CACNA1E: variants seen among roughly 807,000 people sequenced by gnomAD.
CACNA1E encodes calcium voltage-gated channel subunit alpha1 E.
A neutral mutation model predicts 259.2 loss-of-function variants in CACNA1E; 40 were observed. The ratio of observed to expected loss-of-function variants is 0.15; its 90% CI spans 0.12 to 0.20. The LOEUF (loss-of-function observed/expected upper bound fraction) is 0.20, where lower values mean the gene tolerates loss of function less well. Among genes scored for constraint, CACNA1E ranks in the 10% least tolerant of loss-of-function variants. CACNA1E has a pLI of 1.00. For missense variants in CACNA1E, 1,874 were observed against 3,040.1 expected (o/e 0.62, Z 9.02); for synonymous variants, 1,104 against 1,138.5 (o/e 0.97, Z 0.61).
At chr1:181,759,971 G>A (rs983361398) in intron 32 of CACNA1E, among the ~76,000 whole-genome samples, 16 of 152,256 alleles carry the variant, frequency 1.1e-4, no homozygotes, top group African/African-American at 3.9e-4. Flanking sequence ...GTGTTTGCCT[G>A]GCTCCCTTTT....
chr1:181,482,497 A>T (rs1187405403), upstream of CACNA1E, among the ~76,000 whole-genome samples: 1 of 152,208 alleles, frequency 6.6e-6, no homozygotes, highest in Non-Finnish European at 1.5e-5. Context: ...TGGCCACATA[A>T]ATCAAGAAGG....
intron 40 of CACNA1E, among the ~76,000 whole-genome samples, chr1:181,784,452 T>G (rs1210554965): frequency 6.6e-6 from 1 of 152,204 alleles, no homozygotes; most frequent in Non-Finnish European, 1.5e-5. Flanking sequence ...CTTGGCAGGA[T>G]ATCCCTGAGT....
At chr1:181,531,481 AC>A (rs1667775775) in intron 3 of CACNA1E, among the ~76,000 whole-genome samples, 2 of 152,164 alleles carry the variant, frequency 1.3e-5, no homozygotes, top group East Asian at 3.9e-4. Flanking sequence ...ATATTCTTAG[AC>A]CCACAATAGA....
intron 6 of CACNA1E, among the ~76,000 whole-genome samples, chr1:181,589,663 G>A (rs891542290): frequency 2.0e-5 from 3 of 152,058 alleles, no homozygotes; most frequent in African/African-American, 7.2e-5. Flanking sequence ...AGGCTGCAGT[G>A]TGCTATGATT....
intron 3 of CACNA1E, among the ~76,000 whole-genome samples, chr1:181,555,100 G>A (rs147031105): frequency 3.3e-4 from 50 of 152,308 alleles, no homozygotes; most frequent in African/African-American, 1.1e-3. Flanking sequence ...AGCCATTTTT[G>A]TTATTTAAAA....
chr1:181,434,009 G>C (rs1438752255), intron 2 of CACNA1E, among the ~76,000 whole-genome samples: 1 of 152,210 alleles, frequency 6.6e-6, no homozygotes, highest in East Asian at 1.9e-4. Context: ...CGGCATGTTT[G>C]CATTTCCACG....
intron 34 of CACNA1E, 115 bp downstream of exon 34, chr1:181,763,646 C>T (rs528473827): frequency 1.6e-4 from 112 of 714,592 alleles, no homozygotes; most frequent in African/African-American, 3.9e-4. Flanking sequence ...GCTAGTAGAA[C>T]GGGTGTTTGT....
At chr1:181,731,108 G>T in intron 18 of CACNA1E, 67 bp from the exon 19 acceptor site, 14 of 1,260,806 alleles carry the variant, frequency 1.1e-5, no homozygotes, top group Non-Finnish European at 1.6e-5. Flanking sequence ...GAAATCTGCT[G>T]GTGGCTGTGG....
intron 18 of CACNA1E, among the ~76,000 whole-genome samples, chr1:181,730,873 C>A (rs183999171): frequency 1.3e-5 from 2 of 152,188 alleles, no homozygotes; most frequent in Non-Finnish European, 2.9e-5. Flanking sequence ...TGGAAGTTTG[C>A]GTGCCTGTGA....
chr1:181,772,063 C>T lies in CACNA1E; in HGVS notation c.4974-3C>T, dbSNP rs749592661. ...TGCTAACCAAAATGTCTCTTGGGCT[C>T]AGGAGTGCCACAGGTGAGGCCTGGC... On this transcript the variant is annotated splice_polypyrimidine_tract_variant and splice_region_variant and intron_variant, in intron 36 of 47. Transcript: ENST00000367573. The T allele has an allele frequency of 7.4e-6, 12 of 1,613,472 alleles. No individual in the cohort carries two copies. Among genetic ancestry groups the T allele is most frequent in the Non-Finnish European group, 9.3e-6 (11 of 1,179,624 alleles).
chr1:181,461,102 C>T (rs1375453506), intron 2 of CACNA1E, among the ~76,000 whole-genome samples: 5 of 152,202 alleles, frequency 3.3e-5, no homozygotes, highest in Non-Finnish European at 7.3e-5. Context: ...GATACTGGAG[C>T]TTTTGCCATT....
At position 181,598,954 on chromosome 1, in the gene CACNA1E, A is replaced by G. The variant is rs571208540; in HGVS notation, c.951+18178A>G. Among the ~76,000 whole-genome samples the G allele has an allele frequency of 8.0e-5, 12 of 150,624 alleles. No homozygotes were observed. In the South Asian group the frequency reaches 2.5e-3, roughly 32 times the overall value. Reference sequence around the variant, plus strand: ...CATTTTTTTTTTTTTAAATTTCTAAATTTTGTTTTAAGTTCAGGGGTATAT... The same window carrying G: ...CATTTTTTTTTTTTTAAATTTCTAAGTTTTGTTTTAAGTTCAGGGGTATAT... On this transcript the variant is annotated intron_variant, in intron 6 of 47. Transcript: ENST00000367573.
intron 1 of CACNA1E, among the ~76,000 whole-genome samples, chr1:181,343,015 G>T (rs1046318961): frequency 6.6e-6 from 1 of 152,202 alleles, no homozygotes; most frequent in Non-Finnish European, 1.5e-5. Context: ...AGGACAGGGG[G>T]TGGTATATTG....
intron 2 of CACNA1E, among the ~76,000 whole-genome samples, chr1:181,454,069 C>T (rs907375323): frequency 2.6e-5 from 4 of 152,130 alleles, no homozygotes; most frequent in Non-Finnish European, 4.4e-5. Context: ...GGTGGGAGAG[C>T]GTGCAGGGAA....
chr1:181,602,757 C>A (rs1653862519), intron 6 of CACNA1E, among the ~76,000 whole-genome samples: 1 of 152,122 alleles, frequency 6.6e-6, no homozygotes, highest in African/African-American at 2.4e-5. Flanking sequence ...TTGGCCTTAG[C>A]AAGTTGAACC....
rs1167326595 is a variant in CACNA1E at position 181,732,199 on chromosome 1, C to T, written c.2298-185C>T. On this transcript the variant is annotated intron_variant, in intron 19 of 47. Coordinates refer to ENST00000367573, the MANE Select transcript of CACNA1E (RefSeq NM_001205293.3). The surrounding 1 kb of genome is among the most constrained non-coding windows in gnomAD (Gnocchi z 5.5). ...AAGTACCTGGGCTGGGAGGCACCTG[C>T]CTGATGAGCTCCTCACGTGTGGCCC... is the stretch of plus-strand genomic sequence containing the variant. Among the ~76,000 whole-genome samples the T allele has an allele frequency of 6.6e-6, 1 of 152,118 alleles. No individual in the cohort carries two copies. Among genetic ancestry groups the T allele is most frequent in the African/African-American group, 2.4e-5 (1 of 41,432 alleles).
intron 3 of CACNA1E, among the ~76,000 whole-genome samples, chr1:181,512,251 G>A (rs1315520551): frequency 6.6e-6 from 1 of 152,200 alleles, no homozygotes; most frequent in Non-Finnish European, 1.5e-5. Context: ...GGTGTGACGG[G>A]CAGGCCTTCC....
intron 7 of CACNA1E, among the ~76,000 whole-genome samples, chr1:181,695,932 G>C (rs186398994): frequency 6.6e-6 from 1 of 152,194 alleles, no homozygotes; most frequent in South Asian, 2.1e-4. Context: ...TCCAGCTTGG[G>C]CATCAGAGCT....
intron 1 of CACNA1E, among the ~76,000 whole-genome samples, chr1:181,352,281 G>A (rs931599367): frequency 2.0e-5 from 3 of 152,132 alleles, no homozygotes; most frequent in Admixed American, 6.5e-5. Context: ...GTAAAAGGGC[G>A]GAGAGCAGTG....
Sources: gnomAD v4.1 joint callset for allele counts (sites outside exome capture counted in the v4.1 genomes callset) on GRCh38, gnomAD v4.1.1 for gene constraint, Gnocchi (gnomAD v3.1) non-coding constraint, MANE v1.5 for transcripts, NCBI Gene and HGNC (gene_info 2026-07-23, HGNC 2026-07-21) for gene names.